The following NELL1 variants were observed in gnomAD, a reference collection of about 807,000 sequenced individuals.
NELL1 encodes the protein protein kinase C-binding protein NELL1.
In NELL1, 76 loss-of-function variants were observed where a neutral mutation model predicts 107.4. The ratio of observed to expected loss-of-function variants is 0.71; its 90% CI spans 0.59 to 0.86. The LOEUF (loss-of-function observed/expected upper bound fraction) is 0.86, where lower values mean the gene tolerates loss of function less well. NELL1 is among the 40% of genes least tolerant of loss of function. The pLI is 0.00. For missense variants in NELL1, 1,024 were observed against 1,005.5 expected, an observed-to-expected ratio of 1.02 and a Z score of -0.25; for synonymous variants, 353 against 341.2, an observed-to-expected ratio of 1.03 and a Z score of -0.38.
At chr11:20,988,057 C>A (rs1465139859) in intron 12 of NELL1, among the ~76,000 whole-genome samples, 2 of 151,724 alleles carry the variant, frequency 1.3e-5, no homozygotes, top group African/African-American at 2.4e-5. Flanking sequence ...GCTACACTTA[C>A]AACTTCTACT....
chr11:21,111,891 T>C (rs1286949827), intron 12 of NELL1, among the ~76,000 whole-genome samples: 2 of 152,076 alleles, frequency 1.3e-5, no homozygotes, highest in African/African-American at 4.8e-5. Flanking sequence ...GCCTCTCACT[T>C]GTTATGCCTA....
intron 12 of NELL1, among the ~76,000 whole-genome samples, chr11:21,055,512 T>C (rs1853591059): frequency 1.3e-5 from 2 of 152,220 alleles, no homozygotes; most frequent in African/African-American, 4.8e-5. Context: ...TTATAGACCT[T>C]ACATAATTCT....
At chr11:20,891,739 A>C (rs895985068) in intron 5 of NELL1, among the ~76,000 whole-genome samples, 1 of 152,222 alleles carries the variant, frequency 6.6e-6, no homozygotes, top group Non-Finnish European at 1.5e-5. Context: ...CAGACTTTAA[A>C]CCGACAAAGA....
intron 13 of NELL1, among the ~76,000 whole-genome samples, chr11:21,226,641 GA>G (rs950933593): frequency 5.9e-5 from 9 of 152,086 alleles, no homozygotes; most frequent in African/African-American, 2.2e-4. Flanking sequence ...GAAGGTTGTG[GA>G]AAATATGCTA....
chr11:20,968,894 A>T (rs1027599406), intron 12 of NELL1, among the ~76,000 whole-genome samples: 20 of 152,004 alleles, frequency 1.3e-4, no homozygotes, highest in African/African-American at 4.6e-4. Context: ...ACTGGCCAGA[A>T]CTCAGATGGT....
intron 12 of NELL1, among the ~76,000 whole-genome samples, chr11:21,011,370 G>A (rs867927007): frequency 1.7e-4 from 26 of 152,156 alleles, no homozygotes; most frequent in South Asian, 4.1e-4. Flanking sequence ...CAACACCTAT[G>A]AAAGGAAAGG....
At chr11:21,455,621 C>A (rs1039280894) in intron 15 of NELL1, among the ~76,000 whole-genome samples, 2 of 152,114 alleles carry the variant, frequency 1.3e-5, no homozygotes, top group East Asian at 1.9e-4. Flanking sequence ...GCGAGGACAA[C>A]CATGCCCAGC....
chr11:20,745,589 T>G (rs979351737), intron 2 of NELL1, among the ~76,000 whole-genome samples: 1 of 152,196 alleles, frequency 6.6e-6, no homozygotes, highest in Non-Finnish European at 1.5e-5. Context: ...CAAATTACAG[T>G]AACCTACTTA....
At chr11:20,960,754 C>A (rs150372441) in intron 12 of NELL1, among the ~76,000 whole-genome samples, 194 bp downstream of exon 12, 1 of 152,246 alleles carries the variant, frequency 6.6e-6, no homozygotes, top group East Asian at 1.9e-4. Flanking sequence ...AAAGCAAGAC[C>A]TTTGAAGGTC....
chr11:20,717,554 C>T (rs189414357), intron 2 of NELL1, among the ~76,000 whole-genome samples: 28 of 152,164 alleles, frequency 1.8e-4, no homozygotes, highest in African/African-American at 5.8e-4. Context: ...AACACCTTGC[C>T]CAAGATTAAA....
chr11:21,507,787 C>CT (rs201588738), intron 15 of NELL1, among the ~76,000 whole-genome samples: 25,246 of 144,474 alleles, frequency 0.17, 2,301 homozygotes, highest in African/African-American at 0.21. Context: ...CTTTTCTTTT[C>CT]TTTTTTTTTT....
chr11:20,674,210 G>C (rs1853991419), intron 1 of NELL1, among the ~76,000 whole-genome samples: 1 of 152,158 alleles, frequency 6.6e-6, no homozygotes, highest in Non-Finnish European at 1.5e-5. Flanking sequence ...AGCGTGAGAG[G>C]CCCTTCTAAG....
At chr11:20,740,261 T>G (rs1303067474) in intron 2 of NELL1, among the ~76,000 whole-genome samples, 2 of 152,172 alleles carry the variant, frequency 1.3e-5, no homozygotes, top group African/African-American at 4.8e-5. Context: ...TCCACACTCT[T>G]GATCGTACCC....
At chr11:20,830,853 C>CA (rs1348846753) in intron 3 of NELL1, among the ~76,000 whole-genome samples, 1 of 152,138 alleles carries the variant, frequency 6.6e-6, no homozygotes, top group Non-Finnish European at 1.5e-5. Flanking sequence ...GAAAGGCACC[C>CA]ATTCATTTAT....
In NELL1 at chr11:21,518,169, C is replaced by G. The variant is rs1255596597; in HGVS notation, c.1646-16205C>G. ...AAAAAAAAAGGTGCTGATTTTCCCC[C>G]TTTCAGAAGCACAATGATAAAACTT... On this transcript the variant is annotated intron_variant, in intron 15 of 19. Coordinates refer to ENST00000357134, the MANE Select transcript of NELL1 (RefSeq NM_006157.5). Among the ~76,000 whole-genome samples, 9 of 150,848 alleles carry G rather than the reference C, an allele frequency of 6.0e-5. No individual in the cohort carries two copies. In the East Asian group the frequency reaches 1.4e-3, roughly 23 times the overall value.
intron 13 of NELL1, among the ~76,000 whole-genome samples, chr11:21,182,316 C>G (rs1240722400): frequency 2.6e-5 from 4 of 151,572 alleles, no homozygotes; most frequent in Non-Finnish European, 5.9e-5. Context: ...TGTCTGTAAT[C>G]TCAGCTACTC....
chr11:20,977,715 A>G (rs921648297), intron 12 of NELL1, among the ~76,000 whole-genome samples: 1 of 152,250 alleles, frequency 6.6e-6, no homozygotes, highest in Non-Finnish European at 1.5e-5. Flanking sequence ...TGTCTGCTTC[A>G]TTCACTGTTG....
chr11:21,086,266 C>CT (rs369759532), intron 12 of NELL1, among the ~76,000 whole-genome samples: 9 of 151,394 alleles, frequency 5.9e-5, no homozygotes, highest in South Asian at 2.1e-4. Flanking sequence ...TGTTCTGTAT[C>CT]TTTTTTTTTC....
chr11:21,340,956 C>T (rs1850550653), intron 14 of NELL1, among the ~76,000 whole-genome samples: 1 of 152,274 alleles, frequency 6.6e-6, no homozygotes, highest in African/African-American at 2.4e-5. Context: ...CCATACTTCT[C>T]ACATTCTCTT....
Sources: allele counts gnomAD v4.1 joint callset (sites outside exome capture counted in the v4.1 genomes callset), GRCh38; gene constraint gnomAD v4.1.1; transcripts MANE v1.5; gene names NCBI Gene and HGNC (gene_info 2026-07-23, HGNC 2026-07-21).